Variants in ATE1 observed in about 807,000 individuals in gnomAD.
ATE1 encodes the protein arginyltransferase 1, also known as arginyl-tRNA--protein transferase 1.
In ATE1, 36 loss-of-function variants were observed where a neutral mutation model predicts 70.5. The observed-to-expected ratio is 0.51, with a 90% confidence interval of 0.39 to 0.67. ATE1 has a LOEUF of 0.67. Among genes scored for constraint, ATE1 ranks in the 30% least tolerant of loss-of-function variants. The pLI, the probability that ATE1 is intolerant of heterozygous loss-of-function variation, is 0.00. For missense variants in ATE1, 593 were observed against 629.5 expected (o/e 0.94, Z 0.62); for synonymous variants, 232 against 219.3 (o/e 1.06, Z -0.51).
chr10:121,766,860 T>C (rs1363510618), intron 11 of ATE1, among the ~76,000 whole-genome samples: 1 of 152,134 alleles, frequency 6.6e-6, no homozygotes, highest in Non-Finnish European at 1.5e-5. Context: ...TCGTTCATGC[T>C]CCAGAAGGGC....
intron 11 of ATE1, among the ~76,000 whole-genome samples, chr10:121,777,253 G>C (rs1945786799): frequency 6.6e-6 from 1 of 152,078 alleles, no homozygotes; most frequent in African/African-American, 2.4e-5. Context: ...CCAGTTACCT[G>C]GTATTATACA....
rs575453650 is a variant in ATE1, at chr10:121,885,363, A to G, written c.942+14503T>C. 7.5e-5 allele frequency among the ~76,000 whole-genome samples: 11 copies of G among 145,916 alleles called. No individual in the cohort carries two copies. The East Asian group carries it at 2.3e-3, about 30-fold the overall frequency. ...GGCAGACAGATCACGAGGTCAGGAG[A>G]TCGAGACCATCCTGGCTAACACGGT... On this transcript the variant is annotated intron_variant, in intron 7 of 11. Transcript: ENST00000224652.
intron 10 of ATE1, among the ~76,000 whole-genome samples, chr10:121,804,888 C>T (rs1947034005): frequency 6.6e-6 from 1 of 152,078 alleles, no homozygotes; most frequent in South Asian, 2.1e-4. Flanking sequence ...TTTATGATAG[C>T]CTCCATGCTT....
rs1951794499 is a variant in ATE1, at chr10:121,919,500, G to A, written c.233+2849C>T. Among the ~76,000 whole-genome samples the A allele has an allele frequency of 5.9e-5, 9 of 152,218 alleles. No homozygotes were observed. The South Asian group carries it at 1.9e-3, about 32-fold the overall frequency. ...CGCTTGAACACGGGAGGCAGAGGTT[G>A]CAGTGAGCCGAGATAGCACCACTGC... is the stretch of plus-strand genomic sequence containing the variant. On this transcript the variant is annotated intron_variant, in intron 3 of 11. Coordinates refer to ENST00000224652, the MANE Select transcript of ATE1 (RefSeq NM_001001976.3).
At chr10:121,827,227 T>C (rs1312247028) in intron 10 of ATE1, among the ~76,000 whole-genome samples, 1 of 152,140 alleles carries the variant, frequency 6.6e-6, no homozygotes, top group Non-Finnish European at 1.5e-5. Context: ...TTGGCCAGGA[T>C]GGTCTCAATC....
At chr10:121,910,871 C>T (rs1043412214) in intron 5 of ATE1, 35 bp downstream of exon 5, 5 of 1,612,246 alleles carry the variant, frequency 3.1e-6, no homozygotes, top group East Asian at 2.2e-5. Context: ...AAAGCAAAGC[C>T]GTGAATATGA....
intron 10 of ATE1, among the ~76,000 whole-genome samples, chr10:121,823,631 G>A (rs1590396653): frequency 1.3e-5 from 2 of 152,204 alleles, no homozygotes; most frequent in South Asian, 4.1e-4. Flanking sequence ...CCAGGGTAGA[G>A]CTCAGACATT....
At chr10:121,856,251 C>T (rs185689596) in intron 8 of ATE1, among the ~76,000 whole-genome samples, 12 of 152,072 alleles carry the variant, frequency 7.9e-5, no homozygotes, top group Admixed American at 3.3e-4. Flanking sequence ...CATACCTGGC[C>T]GGGCGCAGTG....
Position 121,790,171 on chromosome 10 carries a change from G to A in ATE1, c.1376C>T (p.Ala459Val). ...GCTGAGCTCAGCTCCAAACATACCT[G>A]CTTCTGGGTCCTGGTTGAAACGGCA... Reference protein sequence around the residue: ...KYCRFNQDPEAVDEDRSTEPD... With the variant: ...KYCRFNQDPEVVDEDRSTEPD... Residue 459 changes from alanine to valine, a missense_variant and splice_region_variant, in exon 11 of 12, where the codon GCA (alanine) becomes GTA (valine). Ala to Val is a moderately conservative substitution (Grantham distance 64). This residue lies in a region of ATE1 where 90 missense variants were observed against 93.7 expected (regional missense o/e 0.96). Coordinates refer to ENST00000224652, the MANE Select transcript of ATE1 (RefSeq NM_001001976.3). 6.2e-7 allele frequency: 1 copy of A among 1,613,932 alleles called. No homozygotes were observed.
At chr10:121,868,623 G>T (rs1407106860) in intron 8 of ATE1, among the ~76,000 whole-genome samples, 2 of 152,098 alleles carry the variant, frequency 1.3e-5, no homozygotes, top group African/African-American at 4.8e-5. Context: ...TAATATCCCT[G>T]TAAGTATTAT....
In ATE1 at chr10:121,927,247, A is replaced by C. The variant is rs189319983; in HGVS notation, c.106+597T>G. ...GGGTGGAGGAAAGACACGGCATATA[A>C]GCAAATGGTAAAAATTTCAAACAGA... is the stretch of plus-strand genomic sequence containing the variant. On this transcript the variant is annotated intron_variant, in intron 1 of 11. Coordinates refer to ENST00000224652, the MANE Select transcript of ATE1 (RefSeq NM_001001976.3). The C allele has an allele frequency of 3.0e-6, 3 of 985,272 alleles. No homozygotes were observed. The Admixed American group carries it at 1.8e-4, about 61-fold the overall frequency. 61.0% of individuals were successfully genotyped at this position (985,272 alleles called of 1,614,324 possible).
chr10:121,828,696 G>C (rs577269654), intron 10 of ATE1, among the ~76,000 whole-genome samples: 1 of 152,290 alleles, frequency 6.6e-6, no homozygotes, highest in South Asian at 2.1e-4. Context: ...TGCACAGACA[G>C]GGATGAGAAG....
At chr10:121,921,745 C>T (rs1007744368) in intron 3 of ATE1, among the ~76,000 whole-genome samples, 5 of 152,162 alleles carry the variant, frequency 3.3e-5, no homozygotes, top group African/African-American at 7.2e-5. Context: ...CCTGCTTTCA[C>T]GCCACTGTAA....
intron 11 of ATE1, among the ~76,000 whole-genome samples, chr10:121,753,291 T>C (rs559019282): frequency 6.6e-6 from 1 of 152,328 alleles, no homozygotes; most frequent in Non-Finnish European, 1.5e-5. Context: ...CCAATCTGAA[T>C]GCCTTTTATT....
intron 10 of ATE1, among the ~76,000 whole-genome samples, chr10:121,836,312 C>A (rs1181014468): frequency 6.6e-6 from 1 of 152,120 alleles, no homozygotes; most frequent in Admixed American, 6.5e-5. Flanking sequence ...AACTTCAGAG[C>A]TGAAAGCCTC....
chr10:121,817,397 GGC>G (rs1399172948), intron 10 of ATE1, among the ~76,000 whole-genome samples: 2 of 152,128 alleles, frequency 1.3e-5, no homozygotes, highest in African/African-American at 4.8e-5. Flanking sequence ...AAATTAGCCG[GGC>G]GCAGTGGCGG....
At chr10:121,813,585 T>C (rs1345222823) in intron 10 of ATE1, among the ~76,000 whole-genome samples, 1 of 152,146 alleles carries the variant, frequency 6.6e-6, no homozygotes, top group Non-Finnish European at 1.5e-5. Flanking sequence ...CATAAGGAAA[T>C]GAGGACAGAA....
At chr10:121,878,861 C>T (rs148094023) in intron 7 of ATE1, among the ~76,000 whole-genome samples, 8 of 152,088 alleles carry the variant, frequency 5.3e-5, no homozygotes, top group African/African-American at 1.7e-4. Context: ...AAATTACCAT[C>T]AGAACCTCAA....
At chr10:121,776,798 C>T (rs940929905) in intron 11 of ATE1, among the ~76,000 whole-genome samples, 3 of 152,178 alleles carry the variant, frequency 2.0e-5, no homozygotes, top group African/African-American at 7.2e-5. Context: ...AAATGCATGT[C>T]TTACAGGGGA....
Sources: gnomAD v4.1 joint callset for allele counts (sites outside exome capture counted in the v4.1 genomes callset) on GRCh38, gnomAD v4.1.1 for gene constraint, gnomAD v4.1.1 regional missense constraint, MANE v1.5 for transcripts, NCBI Gene and HGNC (gene_info 2026-07-23, HGNC 2026-07-21) for gene names.